Variants in TENM2 observed in about 807,000 individuals in gnomAD.
The protein encoded by TENM2 is teneurin transmembrane protein 2, also known as teneurin-2.
Under a neutral mutation model 245.2 loss-of-function variants are expected in TENM2, and 52 were observed. The observed-to-expected ratio is 0.21, with a 90% confidence interval of 0.17 to 0.27. The LOEUF (loss-of-function observed/expected upper bound fraction) is 0.27, where lower values mean the gene tolerates loss of function less well. Ranked by LOEUF, TENM2 falls within the 10% of genes least tolerant of loss-of-function variation. The pLI is 1.00. For missense variants in TENM2, 3,046 were observed against 3,666.8 expected, an observed-to-expected ratio of 0.83 and a Z score of 4.37; for synonymous variants, 1,363 against 1,438.9, an observed-to-expected ratio of 0.95 and a Z score of 1.19.
chr5:167,799,768 T>C (rs1248828362), intron 2 of TENM2, among the ~76,000 whole-genome samples: 2 of 152,158 alleles, frequency 1.3e-5, no homozygotes, highest in Admixed American at 1.3e-4. Context: ...AAAGGCAAGA[T>C]CAAAAGAAGG....
At chr5:167,302,236 C>T (rs570200863) in intron 1 of TENM2, among the ~76,000 whole-genome samples, 5 of 152,052 alleles carry the variant, frequency 3.3e-5, no homozygotes, top group East Asian at 3.9e-4. Context: ...GAACTACTGT[C>T]GAGTTTATAT....
intron 3 of TENM2, among the ~76,000 whole-genome samples, chr5:167,925,726 T>C (rs1777704973): frequency 6.6e-6 from 1 of 152,184 alleles, no homozygotes; most frequent in Non-Finnish European, 1.5e-5. Flanking sequence ...AATGACAGAT[T>C]GGATTTTTAA....
the TENM2 span, among the ~76,000 whole-genome samples, chr5:167,057,287 A>G: frequency 6.6e-6 from 1 of 152,140 alleles, no homozygotes; most frequent in Non-Finnish European, 1.5e-5. Flanking sequence ...TGGTCATTTA[A>G]AAAACTTTTT....
exon 29 of TENM2, chr5:168,262,055 A>G (rs1296063182): frequency 5.6e-6 from 9 of 1,613,384 alleles, no homozygotes; most frequent in Non-Finnish European, 7.6e-6. Flanking sequence ...ACAGCTCATT[A>G]CAGGTGTCCA....
chr5:167,564,762 T>G (rs1321471879), intron 2 of TENM2, among the ~76,000 whole-genome samples: 1 of 152,188 alleles, frequency 6.6e-6, no homozygotes, highest in Non-Finnish European at 1.5e-5. Flanking sequence ...GTTTTTCATC[T>G]TCTAGGAGGC....
At chr5:167,344,452 A>C (rs1758341639) in intron 1 of TENM2, among the ~76,000 whole-genome samples, 1 of 151,954 alleles carries the variant, frequency 6.6e-6, no homozygotes. Context: ...GAAATGTTGA[A>C]AAGAAATTCA....
At position 167,434,520 on chromosome 5, in the gene TENM2, C is replaced by A. The variant is rs572575713; in HGVS notation, c.502+59047C>A. Among the ~76,000 whole-genome samples the A allele has an allele frequency of 4.0e-5, 6 of 150,390 alleles. No homozygotes were observed. The East Asian group carries it at 7.8e-4, about 20-fold the overall frequency. On this transcript the variant is annotated intron_variant, in intron 2 of 28. Coordinates refer to ENST00000518659, the Ensembl canonical transcript of TENM2. ...TAATGTTTATTCTCAAAATACTCAACCAAATTGTTTTCAAAATAAGTATTT... is the reference window on the plus strand; with the variant it reads ...TAATGTTTATTCTCAAAATACTCAAACAAATTGTTTTCAAAATAAGTATTT...
the TENM2 span, among the ~76,000 whole-genome samples, chr5:167,162,738 A>G: frequency 1.3e-5 from 2 of 152,224 alleles, no homozygotes; most frequent in Admixed American, 6.5e-5. Context: ...GTTTATTTCC[A>G]GAACCCTGAT....
At chr5:167,688,733 G>T (rs1030258565) in intron 2 of TENM2, among the ~76,000 whole-genome samples, 1 of 152,178 alleles carries the variant, frequency 6.6e-6, no homozygotes, top group Non-Finnish European at 1.5e-5. Flanking sequence ...TAAAGAAATG[G>T]ATTTGATGGG....
At chr5:168,094,881 C>G (rs917034167) in intron 8 of TENM2, among the ~76,000 whole-genome samples, 7 of 152,094 alleles carry the variant, frequency 4.6e-5, no homozygotes, top group Non-Finnish European at 1.0e-4. Context: ...GCTCCGCCCC[C>G]TGTCAGATCA....
intron 2 of TENM2, among the ~76,000 whole-genome samples, chr5:167,760,808 G>A (rs894341027): frequency 6.6e-6 from 1 of 152,068 alleles, no homozygotes; most frequent in East Asian, 1.9e-4. Flanking sequence ...CGCGTGCCAC[G>A]ATGCCTGGCT....
chr5:167,517,574 G>A (rs992323372), intron 2 of TENM2, among the ~76,000 whole-genome samples: 1 of 150,780 alleles, frequency 6.6e-6, no homozygotes, highest in Non-Finnish European at 1.5e-5. Context: ...ATCCAACAGC[G>A]TTATCTCATC....
chr5:167,382,395 T>G (rs1581895779), intron 2 of TENM2, among the ~76,000 whole-genome samples: 1 of 152,160 alleles, frequency 6.6e-6, no homozygotes, highest in African/African-American at 2.4e-5. Flanking sequence ...TGGAGCAATG[T>G]TAGCTAATGC....
In TENM2 at chr5:168,177,328, A is replaced by AT. The variant is rs539176755; in HGVS notation, c.2570-13002dup. ...AGTCCTTCTGCATACAGTTTATTTG[A>AT]TTTTTTTGCAACAGCCCTATTAAGC... is the stretch of plus-strand genomic sequence containing the variant. On this transcript the variant is annotated intron_variant, in intron 13 of 28. Transcript: ENST00000518659. Among the ~76,000 whole-genome samples, 110 of 152,264 alleles carry AT rather than the reference A, an allele frequency of 7.2e-4. 1 individual carries two copies. The highest frequency in any genetic ancestry group is 2.5e-3 in the African/African-American group (105 of 41,546).
the TENM2 span, among the ~76,000 whole-genome samples, chr5:167,135,945 G>C: frequency 6.6e-6 from 1 of 152,154 alleles, no homozygotes; most frequent in Non-Finnish European, 1.5e-5. Flanking sequence ...GTAGTACCTA[G>C]GTACATAAGG....
intron 2 of TENM2, among the ~76,000 whole-genome samples, chr5:167,836,401 C>A (rs949955469): frequency 1.3e-5 from 2 of 152,178 alleles, no homozygotes; most frequent in Non-Finnish European, 2.9e-5. Flanking sequence ...CTTGAGAATG[C>A]CATTAGGAGT....
chr5:167,762,006 G>A (rs1762703835), intron 2 of TENM2, among the ~76,000 whole-genome samples: 1 of 152,194 alleles, frequency 6.6e-6, no homozygotes, highest in Admixed American at 6.5e-5. Flanking sequence ...CAGCTAGAAA[G>A]AATTAAGTAC....
chr5:168,081,241 C>G (rs1253174687), intron 7 of TENM2, among the ~76,000 whole-genome samples: 3 of 152,126 alleles, frequency 2.0e-5, no homozygotes, highest in Non-Finnish European at 4.4e-5. Context: ...TTATCAGAGA[C>G]TAGGATTGCA....
intron 2 of TENM2, among the ~76,000 whole-genome samples, chr5:167,504,477 G>A (rs1486128356): frequency 6.6e-6 from 1 of 152,116 alleles, no homozygotes; most frequent in Non-Finnish European, 1.5e-5. Context: ...CAGCTGTTTA[G>A]ACATGCAAAA....
Sources: gnomAD v4.1 joint callset for allele counts (sites outside exome capture counted in the v4.1 genomes callset) on GRCh38, gnomAD v4.1.1 for gene constraint, MANE v1.5 for transcripts, NCBI Gene and HGNC (gene_info 2026-07-23, HGNC 2026-07-21) for gene names.